Variants in MGAT5 observed in about 807,000 individuals in gnomAD.
The protein encoded by MGAT5 is alpha-1,6-mannosylglycoprotein 6-beta-N-acetylglucosaminyltransferase, also known as alpha-1,6-mannosylglycoprotein 6-beta-N-acetylglucosaminyltransferase A.
Under a neutral mutation model 94.3 loss-of-function variants are expected in MGAT5, and 30 were observed. The observed-to-expected ratio is 0.32, with a 90% CI of 0.24 to 0.43. The LOEUF (loss-of-function observed/expected upper bound fraction) is 0.43. MGAT5 is among the 20% of genes least tolerant of loss of function. MGAT5 has a pLI of 1.00. For synonymous variants in MGAT5, 310 were observed against 322.9 expected (o/e 0.96, Z 0.43); for missense variants, 691 against 905.5 (o/e 0.76, Z 3.04).
intron 1 of MGAT5, among the ~76,000 whole-genome samples, chr2:134,206,577 C>T (rs1573863395): frequency 1.3e-5 from 2 of 151,880 alleles, no homozygotes; most frequent in East Asian, 3.9e-4. Flanking sequence ...TAGGCTGTAA[C>T]TCCTGAAACG....
chr2:134,370,422 A>G (rs1479089683), intron 10 of MGAT5, among the ~76,000 whole-genome samples: 1 of 152,278 alleles, frequency 6.6e-6, no homozygotes, highest in Non-Finnish European at 1.5e-5. Context: ...AGTTAGAATC[A>G]GTTTTGTTGG....
intron 13 of MGAT5, 53 bp from the exon 14 acceptor site, chr2:134,428,312 T>C (rs961583337): frequency 5.2e-6 from 8 of 1,537,582 alleles, no homozygotes; most frequent in Non-Finnish European, 7.2e-6. Flanking sequence ...ACTGAGGAGG[T>C]GCTACATGTT....
At chr2:134,208,140 A>G (rs1680109043) in intron 1 of MGAT5, among the ~76,000 whole-genome samples, 1 of 151,308 alleles carries the variant, frequency 6.6e-6, no homozygotes. Flanking sequence ...CTCTTGGCCG[A>G]ACTTTTTTTT....
chr2:134,204,705 A>G (rs1238707024), intron 1 of MGAT5, among the ~76,000 whole-genome samples: 1 of 152,178 alleles, frequency 6.6e-6, no homozygotes, highest in Non-Finnish European at 1.5e-5. Flanking sequence ...TACCTTTTTA[A>G]GAGGACTTGA....
intron 1 of MGAT5, among the ~76,000 whole-genome samples, chr2:134,154,983 T>C (rs904272355): frequency 3.9e-5 from 6 of 152,170 alleles, no homozygotes; most frequent in Admixed American, 1.3e-4. Context: ...TGCTAACTCT[T>C]AGGAATAACA....
chr2:134,231,371 G>A (rs1372967552), intron 1 of MGAT5: 1 of 152,184 alleles, frequency 6.6e-6, no homozygotes, highest in Non-Finnish European at 1.5e-5. Context: ...TTGGTTAATT[G>A]TATGGTATGT....
chr2:134,239,753 T>A (rs1192723469), intron 1 of MGAT5, among the ~76,000 whole-genome samples: 1 of 152,000 alleles, frequency 6.6e-6, no homozygotes, highest in Non-Finnish European at 1.5e-5. Context: ...ATAGCTATCT[T>A]GCTCTTTTTG....
intron 1 of MGAT5, among the ~76,000 whole-genome samples, chr2:134,220,453 G>A (rs1680703809): frequency 1.3e-5 from 2 of 152,242 alleles, no homozygotes; most frequent in Non-Finnish European, 2.9e-5. Flanking sequence ...AGTTGTTGGG[G>A]TTGGTGGGGG....
At chr2:134,132,685 A>G (rs1417779247) in intron 1 of MGAT5, among the ~76,000 whole-genome samples, 1 of 152,270 alleles carries the variant, frequency 6.6e-6, no homozygotes, top group Non-Finnish European at 1.5e-5. Context: ...CTGGCCCGAG[A>G]AGAAAAAGTT....
chr2:134,247,323 A>C (rs1195819477), intron 1 of MGAT5, among the ~76,000 whole-genome samples: 1 of 149,772 alleles, frequency 6.7e-6, no homozygotes, highest in Non-Finnish European at 1.5e-5. Context: ...CTTTTTTGTC[A>C]TACAATTTCA....
intron 1 of MGAT5, among the ~76,000 whole-genome samples, chr2:134,138,727 G>A (rs542621519): frequency 7.2e-5 from 11 of 152,214 alleles, no homozygotes; most frequent in East Asian, 1.9e-4. Context: ...TATTTTCACC[G>A]GACAAACGTG....
chr2:134,280,318 A>G (rs1684612443), intron 2 of MGAT5, among the ~76,000 whole-genome samples: 1 of 152,100 alleles, frequency 6.6e-6, no homozygotes, highest in African/African-American at 2.4e-5. Flanking sequence ...CTTCTTCTGT[A>G]CTTCTTTTAC....
intron 15 of MGAT5, among the ~76,000 whole-genome samples, chr2:134,446,990 C>A (rs1438882212): frequency 6.6e-6 from 1 of 152,196 alleles, no homozygotes; most frequent in Admixed American, 6.5e-5. Flanking sequence ...GGGAGGAAGG[C>A]CCCAGGCAGC....
intron 4 of MGAT5, chr2:134,319,777 ACACTTGAGTACATTGGGT>A (rs1687210393): frequency 4.8e-6 from 2 of 415,914 alleles, no homozygotes; most frequent in African/African-American, 4.2e-5. Context: ...TCTCCCAGTG[ACACTTGAGTACATTGGGT>A]GCATTCTGGG....
At chr2:134,265,432 C>T (rs1683651908) in intron 1 of MGAT5, among the ~76,000 whole-genome samples, 1 of 152,162 alleles carries the variant, frequency 6.6e-6, no homozygotes, top group Non-Finnish European at 1.5e-5. Flanking sequence ...CCATCAATAC[C>T]ATGGCTTCCT....
intron 1 of MGAT5, among the ~76,000 whole-genome samples, chr2:134,130,204 C>CCCGCCCCACACCGACCCACA (rs1686069064): frequency 1.7e-5 from 1 of 60,348 alleles, no homozygotes; most frequent in Non-Finnish European, 3.4e-5. Flanking sequence ...TGGAGCCCGC[C>CCCGCCCCACACCGACCCACA]CCGCCCCACA....
intron 4 of MGAT5, among the ~76,000 whole-genome samples, chr2:134,320,695 AT>A (rs1201591523): frequency 1.3e-5 from 2 of 152,168 alleles, no homozygotes; most frequent in Non-Finnish European, 2.9e-5. Context: ...GAACACCTTC[AT>A]TTTTGAGGCT....
intron 1 of MGAT5, among the ~76,000 whole-genome samples, chr2:134,189,603 T>TTTTTTTTTTTTTTTTG (rs1689246274): frequency 1.7e-5 from 1 of 57,540 alleles, no homozygotes; most frequent in Non-Finnish European, 2.9e-5. Context: ...TTTTTTTTTG[T>TTTTTTTTTTTTTTTTG]TTTTTTTTTT....
chr2:134,178,328 A>G (rs1013326178), intron 1 of MGAT5, among the ~76,000 whole-genome samples: 3 of 152,220 alleles, frequency 2.0e-5, no homozygotes, highest in Admixed American at 2.0e-4. Flanking sequence ...TGTTACAGCA[A>G]CCTAGAGATT....
Sources: gnomAD v4.1 joint callset for allele counts (sites outside exome capture counted in the v4.1 genomes callset) on GRCh38, gnomAD v4.1.1 for gene constraint, MANE v1.5 for transcripts, NCBI Gene and HGNC (gene_info 2026-07-23, HGNC 2026-07-21) for gene names.